Variants in TRABD2B observed in about 807,000 individuals in gnomAD.
TRABD2B encodes TraB domain containing 2B, also known as metalloprotease TIKI2.
Under a neutral mutation model 40.1 loss-of-function variants are expected in TRABD2B, and 14 were observed. The ratio of observed to expected loss-of-function variants is 0.35; its 90% CI spans 0.23 to 0.55. The LOEUF is 0.55. TRABD2B is among the 20% of genes least tolerant of loss of function. The pLI is 0.90. For missense variants in TRABD2B, 541 were observed against 648.6 expected (o/e 0.83, Z 1.80); for synonymous variants, 263 against 277.0 (o/e 0.95, Z 0.50).
intron 2 of TRABD2B, among the ~76,000 whole-genome samples, chr1:47,912,585 T>C (rs568558780): frequency 6.6e-6 from 1 of 152,314 alleles, no homozygotes; most frequent in Non-Finnish European, 1.5e-5. Context: ...TGTGTTCTAG[T>C]GGAAAAACAA....
intron 2 of TRABD2B, among the ~76,000 whole-genome samples, chr1:47,896,324 T>C (rs951137861): frequency 6.6e-6 from 1 of 151,932 alleles, no homozygotes; most frequent in African/African-American, 2.4e-5. Flanking sequence ...AAGGGTGGGT[T>C]AAGGGAGGCA....
chr1:47,815,298 G>C (rs1327705325), intron 2 of TRABD2B, among the ~76,000 whole-genome samples: 1 of 152,212 alleles, frequency 6.6e-6, no homozygotes, highest in Admixed American at 6.5e-5. Flanking sequence ...GCTATCCAAG[G>C]CCTCCTTGTT....
intron 2 of TRABD2B, among the ~76,000 whole-genome samples, chr1:47,814,500 G>A (rs558502351): frequency 6.6e-6 from 1 of 152,294 alleles, no homozygotes; most frequent in East Asian, 1.9e-4. Context: ...AGGAAGGGAG[G>A]GGCAGATTAG....
At chr1:47,884,670 G>A (rs1316559134) in intron 2 of TRABD2B, among the ~76,000 whole-genome samples, 4 of 152,112 alleles carry the variant, frequency 2.6e-5, no homozygotes, top group South Asian at 2.1e-4. Context: ...CTGGAGTGCA[G>A]TGTTGCGATC....
At chr1:47,887,546 A>G (rs1399910307) in intron 2 of TRABD2B, among the ~76,000 whole-genome samples, 2 of 150,324 alleles carry the variant, frequency 1.3e-5, no homozygotes, top group East Asian at 2.0e-4. Flanking sequence ...GTTCTTTGCC[A>G]TAAGTGAAGG....
chr1:47,775,994 T>G (rs1487639566), intron 5 of TRABD2B, among the ~76,000 whole-genome samples: 1 of 151,984 alleles, frequency 6.6e-6, no homozygotes, highest in Non-Finnish European at 1.5e-5. Flanking sequence ...TGGCTGAGAC[T>G]TTAGGTGAGT....
In TRABD2B at chr1:47,764,723, C is replaced by G. The variant is rs986526302; in HGVS notation, c.*1179G>C. ...CTGGCCCCAGTTTGGGTGAGATCTG[C>G]TCCCTTGCAGAGAGAACGTGGCAGA... is the stretch of plus-strand genomic sequence containing the variant. On this transcript the variant is annotated 3_prime_UTR_variant, in exon 7 of 7. Transcript: ENST00000606738. 2 of 152,198 alleles carry G rather than the reference C, an allele frequency of 1.3e-5. No individual in the cohort carries two copies. The highest frequency in any genetic ancestry group is 4.8e-5 in the African/African-American group (2 of 41,426). 9.4% of individuals were successfully genotyped at this position (152,198 alleles called of 1,614,324 possible). A position where few individuals can be genotyped will look rare whatever the true frequency, so the allele number is the denominator to read the frequency against.
intron 2 of TRABD2B, among the ~76,000 whole-genome samples, chr1:47,844,972 G>A (rs1645448802): frequency 6.6e-6 from 1 of 152,160 alleles, no homozygotes; most frequent in Admixed American, 6.5e-5. Flanking sequence ...CCCAGGGCAG[G>A]AGATCCTCCA....
intron 2 of TRABD2B, among the ~76,000 whole-genome samples, chr1:47,856,884 G>GAAAGGA (rs1043290115): frequency 9.2e-5 from 14 of 152,252 alleles, no homozygotes; most frequent in Admixed American, 2.0e-4. Flanking sequence ...TGTGAGCCTG[G>GAAAGGA]AAAGGAAAAG....
intron 2 of TRABD2B, among the ~76,000 whole-genome samples, chr1:47,973,055 G>A (rs149163603): frequency 2.0e-5 from 3 of 152,210 alleles, no homozygotes; most frequent in African/African-American, 7.2e-5. Flanking sequence ...ACAGCATTAC[G>A]CAATAGCTGG....
chr1:47,874,116 T>G (rs1420680373), intron 2 of TRABD2B, among the ~76,000 whole-genome samples: 1 of 152,190 alleles, frequency 6.6e-6, no homozygotes, highest in Non-Finnish European at 1.5e-5. Context: ...GCCCCATCTC[T>G]AGTGCAAGGG....
At chr1:47,881,994 G>A (rs1057006581) in intron 2 of TRABD2B, among the ~76,000 whole-genome samples, 2 of 151,574 alleles carry the variant, frequency 1.3e-5, no homozygotes, top group Admixed American at 6.5e-5. Flanking sequence ...TGTGGGGAGA[G>A]GGTGACTGCA....
At chr1:47,962,175 G>C (rs538258596) in intron 2 of TRABD2B, among the ~76,000 whole-genome samples, 302 of 149,700 alleles carry the variant, frequency 2.0e-3, no homozygotes, top group African/African-American at 7.1e-3. Flanking sequence ...AGAACACTTG[G>C]ACACGGGAAG....
intron 6 of TRABD2B, among the ~76,000 whole-genome samples, chr1:47,766,834 C>G (rs527567283): frequency 1.3e-5 from 2 of 152,258 alleles, no homozygotes; most frequent in South Asian, 2.1e-4. Context: ...TGCAGTCTTT[C>G]ACGAATTTAC....
intron 2 of TRABD2B, among the ~76,000 whole-genome samples, chr1:47,825,148 C>T (rs1017707723): frequency 1.3e-5 from 2 of 152,164 alleles, no homozygotes; most frequent in African/African-American, 4.8e-5. Context: ...AAGGCAGGCC[C>T]CACTGTGCTT....
At chr1:47,909,564 GGA>G (rs1468694145) in intron 2 of TRABD2B, among the ~76,000 whole-genome samples, 3 of 21,540 alleles carry the variant, frequency 1.4e-4, no homozygotes, top group Non-Finnish European at 3.2e-4. Flanking sequence ...GGAAGAAGGA[GGA>G]GGAGGAGGAG....
chr1:47,876,297 G>A (rs1430506532), intron 2 of TRABD2B, among the ~76,000 whole-genome samples: 2 of 152,110 alleles, frequency 1.3e-5, no homozygotes, highest in African/African-American at 2.4e-5. Flanking sequence ...ACATAAACCC[G>A]AACATAGAAC....
At chr1:47,843,299 A>G (rs1645424217) in intron 2 of TRABD2B, among the ~76,000 whole-genome samples, 1 of 152,130 alleles carries the variant, frequency 6.6e-6, no homozygotes, top group Non-Finnish European at 1.5e-5. Context: ...AGACGCAGGG[A>G]CCCTGGTCCA....
chr1:47,973,279 CA>C (rs1374541116), intron 2 of TRABD2B, among the ~76,000 whole-genome samples: 2 of 152,196 alleles, frequency 1.3e-5, no homozygotes, highest in Non-Finnish European at 2.9e-5. Flanking sequence ...AACTGGTGTG[CA>C]CTTTACATCC....
Sources: allele counts gnomAD v4.1 joint callset (sites outside exome capture counted in the v4.1 genomes callset), GRCh38; gene constraint gnomAD v4.1.1; transcripts MANE v1.5; gene names NCBI Gene and HGNC (gene_info 2026-07-23, HGNC 2026-07-21).